The following EPC2 variants were observed in gnomAD, a reference collection of about 807,000 sequenced individuals.
The protein encoded by EPC2 is enhancer of polycomb homolog 2.
A neutral mutation model predicts 92.1 loss-of-function variants in EPC2; 14 were observed. The observed-to-expected ratio is 0.15, with a 90% CI of 0.10 to 0.24. The LOEUF (loss-of-function observed/expected upper bound fraction) is 0.24. Ranked by LOEUF, EPC2 falls within the 10% of genes least tolerant of loss-of-function variation. The pLI, the probability that EPC2 is intolerant of heterozygous loss-of-function variation, is 1.00. For missense variants in EPC2, 755 were observed against 971.5 expected, an observed-to-expected ratio of 0.78 and a Z score of 2.96; for synonymous variants, 340 against 334.7, an observed-to-expected ratio of 1.02 and a Z score of -0.17.
intron 2 of EPC2, among the ~76,000 whole-genome samples, chr2:148,728,768 C>T (rs1464634321): frequency 3.3e-5 from 5 of 150,874 alleles, no homozygotes; most frequent in South Asian, 2.1e-4. Context: ...CACGGTAGCT[C>T]ACGCCTGTAA....
At position 148,786,669 on chromosome 2, in the gene EPC2, T is replaced by C; in HGVS notation, c.*292T>C. Reference sequence around the variant, plus strand: ...CAACTGAATGGATTTTAAAAAATAATTCTTTAATGGGATCATGAGCATGAA... The same window carrying C: ...CAACTGAATGGATTTTAAAAAATAACTCTTTAATGGGATCATGAGCATGAA... On this transcript the variant is annotated 3_prime_UTR_variant, in exon 14 of 14. Transcript: ENST00000258484. 8.5e-6 allele frequency: 2 copies of C among 234,832 alleles called. No individual in the cohort carries two copies. The highest frequency in any genetic ancestry group is 1.7e-5 in the Non-Finnish European group (2 of 120,858). 14.5% of individuals were successfully genotyped at this position (234,832 alleles called of 1,614,324 possible).
intron 1 of EPC2, among the ~76,000 whole-genome samples, chr2:148,683,968 A>G (rs967053137): frequency 1.3e-5 from 2 of 152,210 alleles, no homozygotes; most frequent in Admixed American, 6.5e-5. Context: ...GTACTAGTTT[A>G]CATTCCCACC....
At chr2:148,692,793 T>C (rs1681669893) in intron 2 of EPC2, 1 of 152,184 alleles carries the variant, frequency 6.6e-6, no homozygotes, top group Non-Finnish European at 1.5e-5. Flanking sequence ...GTGTAACTCA[T>C]GTGGGTCAGG....
At chr2:148,734,454 A>T (rs1176200035) in intron 2 of EPC2, among the ~76,000 whole-genome samples, 1 of 152,172 alleles carries the variant, frequency 6.6e-6, no homozygotes, top group Non-Finnish European at 1.5e-5. Flanking sequence ...TGATTTCTGT[A>T]TACAACGATT....
At position 148,708,470 on chromosome 2, in the gene EPC2, G is replaced by C. The variant is rs1396669682; in HGVS notation, c.313+18097G>C. Among the ~76,000 whole-genome samples the C allele has an allele frequency of 2.0e-5, 3 of 152,154 alleles. No homozygotes were observed. In the East Asian group the frequency reaches 5.8e-4, roughly 29 times the overall value. The stretch of plus-strand genomic sequence containing the variant: ...AACTCTTCCAATCAATAGGAAAAGA[G>C]GGAATCCTCTCTAACTCATTTTATG... On this transcript the variant is annotated intron_variant, in intron 2 of 13. Coordinates refer to ENST00000258484, the MANE Select transcript of EPC2 (RefSeq NM_015630.4).
intron 2 of EPC2, among the ~76,000 whole-genome samples, chr2:148,704,731 C>T (rs1226122939): frequency 6.6e-6 from 1 of 152,074 alleles, no homozygotes; most frequent in African/African-American, 2.4e-5. Flanking sequence ...GTTCTTTTGT[C>T]CCTTTCAGGA....
At chr2:148,731,010 C>T (rs1682617251) in intron 2 of EPC2, among the ~76,000 whole-genome samples, 1 of 152,132 alleles carries the variant, frequency 6.6e-6, no homozygotes, top group African/African-American at 2.4e-5. Context: ...ATATCTCTTG[C>T]AGTTAAGGAT....
At chr2:148,695,346 G>A (rs1681724291) in intron 2 of EPC2, among the ~76,000 whole-genome samples, 1 of 152,214 alleles carries the variant, frequency 6.6e-6, no homozygotes, top group Admixed American at 6.5e-5. Context: ...GTTTGTGTCT[G>A]CTTCCAAGAT....
At chr2:148,761,067 G>A (rs1187918957) in intron 4 of EPC2, among the ~76,000 whole-genome samples, 1 of 152,192 alleles carries the variant, frequency 6.6e-6, no homozygotes, top group Non-Finnish European at 1.5e-5. Flanking sequence ...GCAAATAGAT[G>A]CTACTAATTA....
chr2:148,759,447 T>G (rs2105421231), intron 4 of EPC2, among the ~76,000 whole-genome samples: 1 of 152,346 alleles, frequency 6.6e-6, no homozygotes, highest in South Asian at 2.1e-4. Context: ...CTTATAGCAG[T>G]AACTATATTT....
At chr2:148,770,660 T>C in intron 8 of EPC2, 132 bp from the exon 9 acceptor site, 7 of 1,042,190 alleles carry the variant, frequency 6.7e-6, no homozygotes, top group South Asian at 2.2e-5. Flanking sequence ...AGCCCCACTT[T>C]TACAGTTTTA....
intron 2 of EPC2, among the ~76,000 whole-genome samples, chr2:148,708,433 C>T (rs1044325165): frequency 1.3e-5 from 2 of 152,184 alleles, no homozygotes; most frequent in African/African-American, 2.4e-5. Context: ...GAGCTGGTAC[C>T]ATTCCTTCTG....
chr2:148,652,007 A>C (rs982303599), intron 1 of EPC2, among the ~76,000 whole-genome samples: 2 of 152,164 alleles, frequency 1.3e-5, no homozygotes, highest in Admixed American at 1.3e-4. Flanking sequence ...ATGGGTTGAG[A>C]ACTAGAAGAT....
intron 7 of EPC2, among the ~76,000 whole-genome samples, chr2:148,767,333 G>T (rs1345057555): frequency 6.6e-6 from 1 of 152,078 alleles, no homozygotes; most frequent in African/African-American, 2.4e-5. Flanking sequence ...ATGCATTAAG[G>T]GATCTTCATT....
intron 13 of EPC2, among the ~76,000 whole-genome samples, chr2:148,785,324 C>A (rs1479127063): frequency 2.6e-5 from 4 of 151,968 alleles, no homozygotes; most frequent in Non-Finnish European, 5.9e-5. Flanking sequence ...TTACTCTTCC[C>A]CCCACTGCCC....
chr2:148,654,488 T>A (rs1409504519), intron 1 of EPC2, among the ~76,000 whole-genome samples: 1 of 152,154 alleles, frequency 6.6e-6, no homozygotes, highest in African/African-American at 2.4e-5. Context: ...TATGGCTTCG[T>A]GTCTACAAAA....
At chr2:148,710,434 A>G (rs375012217) in intron 2 of EPC2, among the ~76,000 whole-genome samples, 1 of 152,254 alleles carries the variant, frequency 6.6e-6, no homozygotes, top group Non-Finnish European at 1.5e-5. Flanking sequence ...TGTGGAAGAC[A>G]GTGTGGCAAT....
At chr2:148,754,337 C>T (rs891785005) in intron 4 of EPC2, among the ~76,000 whole-genome samples, 6 of 152,180 alleles carry the variant, frequency 3.9e-5, no homozygotes, top group Admixed American at 2.6e-4. Context: ...TCCTACTTTT[C>T]AGTAGCTTCT....
chr2:148,750,619 G>A (rs903062404), intron 3 of EPC2, among the ~76,000 whole-genome samples: 4 of 152,034 alleles, frequency 2.6e-5, no homozygotes, highest in South Asian at 2.1e-4. Flanking sequence ...TTGGCTTGCC[G>A]TAATTTTGTG....
Sources: gnomAD v4.1 joint callset for allele counts (sites outside exome capture counted in the v4.1 genomes callset) on GRCh38, gnomAD v4.1.1 for gene constraint, MANE v1.5 for transcripts, NCBI Gene and HGNC (gene_info 2026-07-23, HGNC 2026-07-21) for gene names.